The following ITPR1 variants were observed in gnomAD, a reference collection of about 807,000 sequenced individuals.
ITPR1 encodes inositol 1,4,5-trisphosphate-gated calcium channel ITPR1.
In ITPR1, 96 loss-of-function variants were observed where a neutral mutation model predicts 318.4. That is an observed-to-expected ratio of 0.30 (90% CI 0.26 to 0.36). The LOEUF (loss-of-function observed/expected upper bound fraction) is 0.36. Among genes scored for constraint, ITPR1 ranks in the 10% least tolerant of loss-of-function variants. The pLI, the probability that ITPR1 is intolerant of heterozygous loss-of-function variation, is 1.00. For missense variants in ITPR1, 2,440 were observed against 3,460.2 expected (o/e 0.71, Z 7.40); for synonymous variants, 1,312 against 1,289.9 (o/e 1.02, Z -0.37).
chr3:4,578,955 G>C (rs1294874080), intron 4 of ITPR1, among the ~76,000 whole-genome samples: 1 of 152,106 alleles, frequency 6.6e-6, no homozygotes, highest in Non-Finnish European at 1.5e-5. Flanking sequence ...GTCGTTCTGA[G>C]GCTTCCAAAA....
intron 10 of ITPR1, among the ~76,000 whole-genome samples, chr3:4,646,661 C>A (rs944253144): frequency 6.6e-6 from 1 of 152,042 alleles, no homozygotes; most frequent in Non-Finnish European, 1.5e-5. Flanking sequence ...AAGATTCTGC[C>A]CACAGCATGT....
At position 4,706,047 on chromosome 3, in the gene ITPR1, G is replaced by A. The variant is rs2125272467; in HGVS notation, c.4658-120G>A. 4.2e-6 allele frequency: 4 copies of A among 957,874 alleles called. No homozygotes were observed. In the East Asian group the frequency reaches 1.0e-4, roughly 25 times the overall value. 59.3% of individuals were successfully genotyped at this position (957,874 alleles called of 1,614,324 possible). ...TTCTCAGTCTTTAAGCTCAATACCA[G>A]GCAAGCTGGCCCATTCTGGGTGTGA... On this transcript the variant is annotated intron_variant, in intron 36 of 61. Transcript: ENST00000649015.
chr3:4,531,736 C>T (rs895309617), intron 4 of ITPR1, among the ~76,000 whole-genome samples: 1 of 152,206 alleles, frequency 6.6e-6, no homozygotes, highest in Admixed American at 6.5e-5. Context: ...CTCCCTATCT[C>T]TGTTGTTCCT....
At chr3:4,570,237 A>G (rs1479658700) in intron 4 of ITPR1, among the ~76,000 whole-genome samples, 1 of 152,240 alleles carries the variant, frequency 6.6e-6, no homozygotes. Context: ...AGGACAGACT[A>G]TTGAAATGTT....
intron 51 of ITPR1, among the ~76,000 whole-genome samples, chr3:4,785,939 C>G (rs575838367): frequency 1.1e-4 from 16 of 152,252 alleles, no homozygotes; most frequent in Admixed American, 3.9e-4. Flanking sequence ...TTCAGGTTTC[C>G]CTAGGGAGTG....
At chr3:4,715,232 C>A (rs1255980001) in intron 39 of ITPR1, among the ~76,000 whole-genome samples, 1 of 152,200 alleles carries the variant, frequency 6.6e-6, no homozygotes, top group Non-Finnish European at 1.5e-5. Flanking sequence ...AACAGATGGA[C>A]ACCATTTGAG....
chr3:4,841,394 G>C (rs1484520494), intron 61 of ITPR1, among the ~76,000 whole-genome samples: 1 of 152,196 alleles, frequency 6.6e-6, no homozygotes, highest in Non-Finnish European at 1.5e-5. Context: ...AAAGGAATCA[G>C]CATGAGCAAC....
intron 44 of ITPR1, among the ~76,000 whole-genome samples, chr3:4,748,957 G>A (rs1285590072): frequency 3.9e-5 from 6 of 152,174 alleles, no homozygotes; most frequent in Non-Finnish European, 5.9e-5. Flanking sequence ...TTTCCTCCGC[G>A]GGGATTTAGA....
In ITPR1 at chr3:4,734,305, A is replaced by G. The variant is rs936872428; in HGVS notation, c.5354-859A>G. Reference sequence around the variant, plus strand: ...GAAGCCCTTGGGGAGGCATCATGACAGGGATTTGGAAATGCAAGACAGACT... The same window carrying G: ...GAAGCCCTTGGGGAGGCATCATGACGGGGATTTGGAAATGCAAGACAGACT... On this transcript the variant is annotated intron_variant, in intron 43 of 61. Coordinates refer to ENST00000649015, the MANE Select transcript of ITPR1 (RefSeq NM_001378452.1). Among the ~76,000 whole-genome samples the G allele has an allele frequency of 2.0e-5, 3 of 152,232 alleles. No individual in the cohort carries two copies. In the East Asian group the frequency reaches 5.8e-4, roughly 29 times the overall value.
intron 39 of ITPR1, among the ~76,000 whole-genome samples, chr3:4,716,588 T>C (rs2041780358): frequency 6.6e-6 from 1 of 152,242 alleles, no homozygotes; most frequent in East Asian, 1.9e-4. Flanking sequence ...CCAAAGCGTC[T>C]TTGCTCCAGC....
chr3:4,759,760 G>A (rs1483479617), intron 44 of ITPR1, among the ~76,000 whole-genome samples: 1 of 152,172 alleles, frequency 6.6e-6, no homozygotes, highest in Non-Finnish European at 1.5e-5. Context: ...AAAGGCATTT[G>A]GAAACTGCTG....
chr3:4,803,989 AGCCTCCCAGGT>A (rs2048399548), intron 54 of ITPR1, among the ~76,000 whole-genome samples: 2 of 152,112 alleles, frequency 1.3e-5, no homozygotes, highest in African/African-American at 4.8e-5. Flanking sequence ...CTCCTCCCTC[AGCCTCCCAGGT>A]AGCTGGGACT....
At chr3:4,642,706 G>A (rs2093365136) in intron 7 of ITPR1, among the ~76,000 whole-genome samples, 1 of 152,234 alleles carries the variant, frequency 6.6e-6, no homozygotes, top group Admixed American at 6.5e-5. Flanking sequence ...GAAGCCGGCA[G>A]GCTCCCCGTC....
At chr3:4,713,490 A>G (rs1395086729) in intron 39 of ITPR1, among the ~76,000 whole-genome samples, 1 of 152,150 alleles carries the variant, frequency 6.6e-6, no homozygotes, top group South Asian at 2.1e-4. Flanking sequence ...GAGTTTCCTG[A>G]GTCTCTATTG....
intron 5 of ITPR1, among the ~76,000 whole-genome samples, chr3:4,632,339 C>CTCTTTTTTTT (rs1312378108): frequency 2.6e-5 from 4 of 152,172 alleles, no homozygotes. Context: ...ACTCTTTCCT[C>CTCTTTTTTTT]TCCTATACTT....
intron 47 of ITPR1, among the ~76,000 whole-genome samples, chr3:4,776,415 A>C (rs2046489557): frequency 6.6e-6 from 1 of 152,168 alleles, no homozygotes; most frequent in Non-Finnish European, 1.5e-5. Flanking sequence ...CTAACTGGAG[A>C]GAGACGACCA....
chr3:4,549,508 CCCTTCCTCCCTT>C (rs146734740), intron 4 of ITPR1, among the ~76,000 whole-genome samples: 5,468 of 126,656 alleles, frequency 0.043, 153 homozygotes, highest in Middle Eastern at 0.064. Flanking sequence ...CTTCCTTTTT[CCCTTCCTCCCTT>C]CCTTCCTCCC....
intron 44 of ITPR1, among the ~76,000 whole-genome samples, chr3:4,740,914 G>T (rs2043655564): frequency 6.6e-6 from 1 of 152,182 alleles, no homozygotes; most frequent in Non-Finnish European, 1.5e-5. Flanking sequence ...CTTCCTGTCA[G>T]CCCCCAGAAG....
rs555803106 is a variant in ITPR1 at position 4,509,261 on chromosome 3, A to G, written c.-16-7215A>G. Among the ~76,000 whole-genome samples the G allele has an allele frequency of 1.5e-3, 236 of 152,328 alleles. No homozygotes were observed. The Middle Eastern group carries it at 0.024, about 15-fold the overall frequency. ...ATTTATGAGGCTGGAATTCAGACTC[A>G]CATATTCTGAGTCTGTTTCCAAGTG... On this transcript the variant is annotated intron_variant, in intron 2 of 61. Coordinates refer to ENST00000649015, the MANE Select transcript of ITPR1 (RefSeq NM_001378452.1).
Sources: allele counts gnomAD v4.1 joint callset (sites outside exome capture counted in the v4.1 genomes callset), GRCh38; gene constraint gnomAD v4.1.1; transcripts MANE v1.5; gene names NCBI Gene and HGNC (gene_info 2026-07-23, HGNC 2026-07-21).